The following CAPZB variants were observed in gnomAD, a reference collection of about 807,000 sequenced individuals.
The protein encoded by CAPZB is F-actin-capping protein subunit beta.
A neutral mutation model predicts 38.1 loss-of-function variants in CAPZB; 2 were observed. The ratio of observed to expected loss-of-function variants is 0.05; its 90% CI spans 0.02 to 0.17. The LOEUF (loss-of-function observed/expected upper bound fraction) is 0.17, where lower values mean the gene tolerates loss of function less well. CAPZB is among the 10% of genes least tolerant of loss of function. CAPZB has a pLI of 1.00. For synonymous variants in CAPZB, 107 were observed against 127.4 expected (o/e 0.84, Z 1.08); for missense variants, 161 against 334.2 (o/e 0.48, Z 4.04).
At chr1:19,343,441 G>A (rs971018285) in intron 8 of CAPZB, among the ~76,000 whole-genome samples, 19 of 152,254 alleles carry the variant, frequency 1.2e-4, no homozygotes, top group Non-Finnish European at 2.2e-4. Context: ...AGGGCTGGCC[G>A]CTAAAGGCAT....
chr1:19,450,443 T>C (rs1184000351), intron 1 of CAPZB, among the ~76,000 whole-genome samples: 1 of 152,192 alleles, frequency 6.6e-6, no homozygotes, highest in African/African-American at 2.4e-5. Context: ...GGTTTTAAAT[T>C]TTCACATTAG....
intron 4 of CAPZB, among the ~76,000 whole-genome samples, chr1:19,358,565 C>T (rs901592370): frequency 3.9e-5 from 6 of 152,216 alleles, no homozygotes; most frequent in African/African-American, 1.2e-4. Context: ...AGACCCAGGT[C>T]AACTACTGTG....
intron 1 of CAPZB, among the ~76,000 whole-genome samples, chr1:19,485,100 G>A (rs1336237705): frequency 6.6e-6 from 1 of 152,192 alleles, no homozygotes; most frequent in African/African-American, 2.4e-5. Flanking sequence ...CCCACGCCAG[G>A]GTCACCGAGG....
At chr1:19,380,521 G>A (rs1007855687) in intron 3 of CAPZB, among the ~76,000 whole-genome samples, 2 of 152,250 alleles carry the variant, frequency 1.3e-5, no homozygotes, top group African/African-American at 2.4e-5. Flanking sequence ...CAGTTCTCCT[G>A]AGAAGCCAAG....
chr1:19,386,794 C>G (rs1352691537), intron 2 of CAPZB, among the ~76,000 whole-genome samples: 1 of 152,212 alleles, frequency 6.6e-6, no homozygotes. Context: ...TGCCTCATAA[C>G]TCACAGAAAT....
intron 6 of CAPZB, among the ~76,000 whole-genome samples, chr1:19,353,425 C>A (rs2094002707): frequency 6.8e-6 from 1 of 147,668 alleles, no homozygotes; most frequent in Non-Finnish European, 1.5e-5. Context: ...GTCGTCCAGC[C>A]CCTGACCACG....
At chr1:19,393,841 G>A (rs564321458) in intron 2 of CAPZB, among the ~76,000 whole-genome samples, 12 of 152,324 alleles carry the variant, frequency 7.9e-5, no homozygotes, top group African/African-American at 2.4e-4. Context: ...TCTGGGCCTC[G>A]GGGACTCCTG....
rs1441384054 is a variant in CAPZB, at chr1:19,339,381, C to T, written c.*149G>A. 1.4e-6 allele frequency: 1 copy of T among 702,900 alleles called. No homozygotes were observed. Among genetic ancestry groups the T allele is most frequent in the African/African-American group, 1.8e-5 (1 of 56,850 alleles). The allele number at this position is 702,900 out of a possible 1,614,324, so 43.5% of individuals were successfully genotyped here. On this transcript the variant is annotated 3_prime_UTR_variant, in exon 9 of 9. Transcript: ENST00000264202. ...GGAGGGTGGCTATCGGCTTTATTCT[C>T]AGGGAGAGATGGCGCTGTGCGGTCA...
intron 4 of CAPZB, among the ~76,000 whole-genome samples, chr1:19,375,289 A>C (rs767020085): frequency 5.9e-5 from 9 of 152,198 alleles, no homozygotes; most frequent in Non-Finnish European, 1.3e-4. Context: ...CCCAGGAGAG[A>C]GAGCTCTTCA....
chr1:19,384,260 C>T (rs1439392746), intron 3 of CAPZB, among the ~76,000 whole-genome samples: 1 of 152,162 alleles, frequency 6.6e-6, no homozygotes, highest in Non-Finnish European at 1.5e-5. Context: ...CCTCCCCTCA[C>T]TGCCTTCTCC....
At position 19,365,269 on chromosome 1, in the gene CAPZB, G is replaced by T. The variant is rs572191214; in HGVS notation, c.330-7706C>A. On this transcript the variant is annotated intron_variant, in intron 4 of 8. Transcript: ENST00000264202. Reference sequence around the variant, plus strand: ...GTGACAGATCACTCTCGTAGACATGGCTTCAACATTTCAACGTCTCTTTTG... The same window carrying T: ...GTGACAGATCACTCTCGTAGACATGTCTTCAACATTTCAACGTCTCTTTTG... 4.6e-5 allele frequency among the ~76,000 whole-genome samples: 7 copies of T among 152,250 alleles called. No homozygotes were observed. The South Asian group carries it at 1.5e-3, about 32-fold the overall frequency.
intron 1 of CAPZB, among the ~76,000 whole-genome samples, chr1:19,441,974 A>G (rs1237325184): frequency 7.5e-6 from 1 of 133,934 alleles, no homozygotes; most frequent in Non-Finnish European, 1.5e-5. Flanking sequence ...GTGCCACTGC[A>G]CTCCAGCCTG....
chr1:19,419,923 C>T (rs1299204745), intron 1 of CAPZB, 173 bp from the exon 2 acceptor site: 7 of 561,512 alleles, frequency 1.2e-5, no homozygotes, highest in Non-Finnish European at 2.2e-5. Context: ...ACTGTGCAGG[C>T]TGTTTGCTCC....
At chr1:19,370,656 G>C (rs1236301852) in intron 4 of CAPZB, among the ~76,000 whole-genome samples, 1 of 152,178 alleles carries the variant, frequency 6.6e-6, no homozygotes, top group Non-Finnish European at 1.5e-5. Context: ...GACGTCGGAA[G>C]TCACTCTTAT....
At chr1:19,443,340 G>A (rs953486789) in intron 1 of CAPZB, among the ~76,000 whole-genome samples, 5 of 152,122 alleles carry the variant, frequency 3.3e-5, no homozygotes, top group African/African-American at 1.2e-4. Context: ...AAGCTTCAGT[G>A]AGCTATGATC....
At chr1:19,478,001 C>T (rs1006537789) in intron 1 of CAPZB, among the ~76,000 whole-genome samples, 11 of 152,220 alleles carry the variant, frequency 7.2e-5, no homozygotes, top group African/African-American at 2.7e-4. Context: ...GAGCCTAACT[C>T]AGGAGCATCA....
At chr1:19,341,299 A>G (rs940848822) in intron 8 of CAPZB, among the ~76,000 whole-genome samples, 2 of 152,164 alleles carry the variant, frequency 1.3e-5, no homozygotes, top group Non-Finnish European at 2.9e-5. Context: ...GCTTCTTGCC[A>G]AGCTCACAGC....
At chr1:19,431,323 A>G (rs1235375999) in intron 1 of CAPZB, among the ~76,000 whole-genome samples, 1 of 152,242 alleles carries the variant, frequency 6.6e-6, no homozygotes, top group Non-Finnish European at 1.5e-5. Context: ...AATCCAAAGA[A>G]GTCTCAAATC....
intron 6 of CAPZB, among the ~76,000 whole-genome samples, chr1:19,353,440 G>GCCACT (rs1188648728): frequency 2.6e-5 from 4 of 151,412 alleles, no homozygotes; most frequent in Non-Finnish European, 5.9e-5. Context: ...ACCACGCCAC[G>GCCACT]CCAGAATGCC....
Sources: gnomAD v4.1 joint callset for allele counts (sites outside exome capture counted in the v4.1 genomes callset) on GRCh38, gnomAD v4.1.1 for gene constraint, MANE v1.5 for transcripts, NCBI Gene and HGNC (gene_info 2026-07-23, HGNC 2026-07-21) for gene names.